Variants in SCAPER observed in about 807,000 individuals in gnomAD.
SCAPER encodes S phase cyclin A-associated protein in the endoplasmic reticulum.
Under a neutral mutation model 182.2 loss-of-function variants are expected in SCAPER, and 98 were observed. The ratio of observed to expected loss-of-function variants is 0.54; its 90% confidence interval spans 0.46 to 0.64. The LOEUF (loss-of-function observed/expected upper bound fraction) is 0.64, where lower values mean the gene tolerates loss of function less well. Among genes scored for constraint, SCAPER ranks in the 30% least tolerant of loss-of-function variants. The probability of loss-of-function intolerance (pLI) is 0.00; values close to 1 mark genes in which losing one functional copy is unlikely to be tolerated. For missense variants in SCAPER, 1,432 were observed against 1,690.0 expected (o/e 0.85, Z 2.68); for synonymous variants, 605 against 564.6 (o/e 1.07, Z -1.01).
chr15:76,853,800 T>C (rs1049770384), intron 4 of SCAPER, among the ~76,000 whole-genome samples: 2 of 152,106 alleles, frequency 1.3e-5, no homozygotes, highest in African/African-American at 4.8e-5. Context: ...CAATACAGTA[T>C]TGGAAGTCCT....
At chr15:76,480,327 A>G (rs769686653) in intron 24 of SCAPER, among the ~76,000 whole-genome samples, 9 of 152,192 alleles carry the variant, frequency 5.9e-5, no homozygotes, top group Admixed American at 1.3e-4. Context: ...GTTTCTTTAG[A>G]TATTATTTAA....
intron 22 of SCAPER, among the ~76,000 whole-genome samples, chr15:76,590,126 C>T (rs2048995437): frequency 6.6e-6 from 1 of 152,134 alleles, no homozygotes; most frequent in Non-Finnish European, 1.5e-5. Flanking sequence ...GTTCTTGGAG[C>T]AAAAGTTCAA....
chr15:76,883,267 C>T (rs756242901), intron 2 of SCAPER, among the ~76,000 whole-genome samples: 2 of 152,102 alleles, frequency 1.3e-5, no homozygotes, highest in Non-Finnish European at 2.9e-5. Flanking sequence ...TCCATGTATA[C>T]CTCCATTCCT....
At chr15:76,561,375 T>C (rs2046606940) in intron 23 of SCAPER, among the ~76,000 whole-genome samples, 2 of 152,192 alleles carry the variant, frequency 1.3e-5, no homozygotes. Context: ...CTGGTTGAAA[T>C]TTCCTTTAAA....
At chr15:76,697,238 G>A (rs1468040735) in intron 20 of SCAPER, among the ~76,000 whole-genome samples, 1 of 152,148 alleles carries the variant, frequency 6.6e-6, no homozygotes, top group African/African-American at 2.4e-5. Context: ...CATGAGAGTA[G>A]TAGAAAATAA....
intron 20 of SCAPER, among the ~76,000 whole-genome samples, chr15:76,687,499 T>C (rs575021551): frequency 6.6e-6 from 1 of 152,336 alleles, no homozygotes; most frequent in South Asian, 2.1e-4. Context: ...CATGCAGGTT[T>C]GTTACACAGG....
intron 4 of SCAPER, among the ~76,000 whole-genome samples, chr15:76,855,538 AT>A (rs1226893659): frequency 6.6e-6 from 1 of 152,014 alleles, no homozygotes; most frequent in Non-Finnish European, 1.5e-5. Context: ...CAGAGGTTTA[AT>A]ATCTGGCATC....
At chr15:76,411,693 T>G (rs2045302258) in intron 26 of SCAPER, among the ~76,000 whole-genome samples, 1 of 152,174 alleles carries the variant, frequency 6.6e-6, no homozygotes, top group Admixed American at 6.5e-5. Flanking sequence ...TTTACAAATT[T>G]ATAGAGTTCT....
At chr15:76,568,483 G>A (rs1384828068) in intron 23 of SCAPER, among the ~76,000 whole-genome samples, 1 of 151,836 alleles carries the variant, frequency 6.6e-6, no homozygotes, top group East Asian at 1.9e-4. Flanking sequence ...AGACTCCCAA[G>A]TAGCTGTGAT....
At chr15:76,480,915 T>G (rs557278239) in intron 24 of SCAPER, among the ~76,000 whole-genome samples, 1 of 152,224 alleles carries the variant, frequency 6.6e-6, no homozygotes, top group South Asian at 2.1e-4. Context: ...GTATTTTTAG[T>G]AGAGACGGAG....
intron 6 of SCAPER, among the ~76,000 whole-genome samples, chr15:76,802,324 T>C (rs1052778293): frequency 1.3e-5 from 2 of 152,158 alleles, no homozygotes; most frequent in Non-Finnish European, 2.9e-5. Context: ...ATTCCCTTTT[T>C]TTTCCCAACC....
rs376762398 is a variant in SCAPER, at chr15:76,697,139, A to G, written c.2508+4619T>C. On this transcript the variant is annotated intron_variant, in intron 20 of 31. Transcript: ENST00000563290. ...GTCACAGACAAGGTGTATATAATAT[A>G]AAGACATCATAGATGACAAGTAATA... Among the ~76,000 whole-genome samples, 21 of 152,312 alleles carry G rather than the reference A, an allele frequency of 1.4e-4. No homozygotes were observed. In the East Asian group the frequency reaches 1.5e-3, roughly 11 times the overall value.
At chr15:76,820,705 G>C (rs546608988) in intron 5 of SCAPER, among the ~76,000 whole-genome samples, 1 of 151,200 alleles carries the variant, frequency 6.6e-6, no homozygotes, top group South Asian at 2.1e-4. Flanking sequence ...AAACCTGCAC[G>C]TTGTGCACAT....
At chr15:76,705,855 C>A in intron 18 of SCAPER, 48 bp downstream of exon 18, 2 of 1,282,168 alleles carry the variant, frequency 1.6e-6, no homozygotes, top group South Asian at 1.4e-5. Flanking sequence ...ATCTCATGCT[C>A]CACTGTAAGC....
rs147248412 is a variant in SCAPER at position 76,901,871 on chromosome 15, C to G, written c.-60+3428G>C. The stretch of plus-strand genomic sequence containing the variant: ...AGTAGCTGGGACTACAAGCATGAGC[C>G]ACCACCTCCAGCTAATTTTTTGTAT... On this transcript the variant is annotated intron_variant, in intron 1 of 31. Transcript: ENST00000563290. 2.7e-3 allele frequency among the ~76,000 whole-genome samples: 407 copies of G among 152,274 alleles called. 1 individual carries two copies. Among genetic ancestry groups the G allele is most frequent in the African/African-American group, 9.5e-3 (394 of 41,548 alleles).
intron 8 of SCAPER, among the ~76,000 whole-genome samples, chr15:76,789,040 C>A (rs1302110403): frequency 6.6e-6 from 1 of 152,054 alleles, no homozygotes; most frequent in African/African-American, 2.4e-5. Context: ...AAATACATTT[C>A]TCTTGTAATT....
rs763876698 is a variant in SCAPER at position 76,665,752 on chromosome 15, A to T, written c.2546T>A (p.Val849Glu). The change falls in exon 21 of 32, where the codon GTG becomes GAG. Residue 849 changes from valine to glutamate, a missense_variant. This residue lies in a region of SCAPER where 718 missense variants were observed against 799.7 expected (regional missense o/e 0.90). Coordinates refer to ENST00000563290, the MANE Select transcript of SCAPER (RefSeq NM_020843.4). Reference protein sequence around the residue: ...LSLKKYIIDIVVESTAPAEAL... With the variant: ...LSLKKYIIDIEVESTAPAEAL... The stretch of plus-strand genomic sequence containing the variant: ...TTCTGCTGGAGCTGTACTTTCAACC[A>T]CAATGTCAATAATGTACTTCTTCAA... The T allele has an allele frequency of 1.9e-6, 3 of 1,547,694 alleles. No homozygotes were observed. The highest frequency in any genetic ancestry group is 2.7e-5 in the African/African-American group (2 of 73,070).
intron 29 of SCAPER, among the ~76,000 whole-genome samples, chr15:76,359,739 A>C (rs1272686468): frequency 6.6e-6 from 1 of 152,250 alleles, no homozygotes; most frequent in African/African-American, 2.4e-5. Flanking sequence ...CAACTATCAC[A>C]TAACTAAGTA....
intron 2 of SCAPER, among the ~76,000 whole-genome samples, chr15:76,864,191 C>T (rs989363712): frequency 4.6e-5 from 7 of 152,214 alleles, no homozygotes; most frequent in Admixed American, 3.3e-4. Context: ...TGAGTTTATA[C>T]TGATTGATTT....
Sources: gnomAD v4.1 joint callset for allele counts (sites outside exome capture counted in the v4.1 genomes callset) on GRCh38, gnomAD v4.1.1 for gene constraint, gnomAD v4.1.1 regional missense constraint, MANE v1.5 for transcripts, NCBI Gene and HGNC (gene_info 2026-07-23, HGNC 2026-07-21) for gene names.